The following TNRC18 variants were observed in gnomAD, a reference collection of about 807,000 sequenced individuals.
The protein encoded by TNRC18 is trinucleotide repeat-containing gene 18 protein.
TNRC18 carries 69 observed loss-of-function variants against 226.7 expected under a neutral mutation model. The observed-to-expected ratio is 0.30, with a 90% CI of 0.25 to 0.37. The LOEUF is 0.37. Among genes scored for constraint, TNRC18 ranks in the 10% least tolerant of loss-of-function variants. TNRC18 has a pLI of 1.00. For missense variants in TNRC18, 4,754 were observed against 4,256.6 expected, an observed-to-expected ratio of 1.12 and a Z score of -3.25; for synonymous variants, 2,449 against 1,927.6, an observed-to-expected ratio of 1.27 and a Z score of -7.09.
chr7:5,392,870 G>C (rs1302086400), intron 3 of TNRC18, among the ~76,000 whole-genome samples: 1 of 152,092 alleles, frequency 6.6e-6, no homozygotes, highest in Non-Finnish European at 1.5e-5. Flanking sequence ...TAGTTAACCG[G>C]GCGTGATGGT....
intron 14 of TNRC18, among the ~76,000 whole-genome samples, chr7:5,360,672 G>C (rs752172748): frequency 1.3e-5 from 2 of 152,196 alleles, no homozygotes; most frequent in Non-Finnish European, 2.9e-5. Flanking sequence ...CCACCACGCT[G>C]CTGGTGGCCG....
intron 11 of TNRC18, among the ~76,000 whole-genome samples, chr7:5,367,861 G>A (rs1793762792): frequency 1.3e-5 from 2 of 152,122 alleles, no homozygotes; most frequent in African/African-American, 4.8e-5. Flanking sequence ...TGCTCACACA[G>A]GCCAATGGCA....
chr7:5,398,161 C>A (rs1780826120), intron 2 of TNRC18, among the ~76,000 whole-genome samples: 1 of 148,254 alleles, frequency 6.7e-6, no homozygotes, highest in Non-Finnish European at 1.5e-5. Flanking sequence ...TCATCAGGCC[C>A]AGCAAAAAAA....
chr7:5,387,431 A>C (rs1157908697), intron 5 of TNRC18, among the ~76,000 whole-genome samples: 1 of 152,270 alleles, frequency 6.6e-6, no homozygotes, highest in Non-Finnish European at 1.5e-5. Flanking sequence ...GATGCACACA[A>C]AGACTGAAAG....
chr7:5,313,951 A>AGTTTT (rs1156451847), intron 26 of TNRC18, 88 bp from the exon 27 acceptor site: 7 of 1,320,564 alleles, frequency 5.3e-6, no homozygotes, highest in Non-Finnish European at 6.8e-6. Context: ...TGCTTCTGTG[A>AGTTTT]GTTTTGTTTT....
chr7:5,310,266 A>T (rs976255812), intron 27 of TNRC18, among the ~76,000 whole-genome samples: 2 of 151,890 alleles, frequency 1.3e-5, no homozygotes, highest in African/African-American at 4.8e-5. Context: ...GTCTCACTCT[A>T]TCGCCCAGGC....
intron 2 of TNRC18, among the ~76,000 whole-genome samples, chr7:5,412,049 T>C (rs1251881633): frequency 6.6e-6 from 1 of 151,746 alleles, no homozygotes; most frequent in Non-Finnish European, 1.5e-5. Context: ...TAGCCAGGTG[T>C]GGTGGAACGC....
At chr7:5,422,772 T>TC (rs1374485308) in intron 1 of TNRC18, 1 of 152,146 alleles carries the variant, frequency 6.6e-6, no homozygotes, top group African/African-American at 2.4e-5. Context: ...AAACACCCCC[T>TC]CCCTCCCTCT....
At chr7:5,397,074 C>T (rs1780741229) in intron 2 of TNRC18, among the ~76,000 whole-genome samples, 2 of 152,156 alleles carry the variant, frequency 1.3e-5, no homozygotes, top group African/African-American at 2.4e-5. Context: ...ACCACCACCC[C>T]GTGTCCGGCC....
intron 9 of TNRC18, among the ~76,000 whole-genome samples, chr7:5,375,295 C>G (rs1028617759): frequency 4.0e-5 from 6 of 151,896 alleles, no homozygotes; most frequent in Admixed American, 1.3e-4. Flanking sequence ...GGCGACAGAG[C>G]AAGACTCCAC....
chr7:5,335,301 C>CA (rs1167746227), intron 18 of TNRC18, among the ~76,000 whole-genome samples: 2,972 of 58,464 alleles, frequency 0.051, 165 homozygotes, highest in South Asian at 0.11. Context: ...GAATCTGTCT[C>CA]AAAAAAAAAA....
intron 5 of TNRC18, among the ~76,000 whole-genome samples, chr7:5,378,977 T>A (rs1013417279): frequency 2.0e-5 from 3 of 151,416 alleles, no homozygotes; most frequent in African/African-American, 7.3e-5. Context: ...GCGGATCACC[T>A]GAGGTCAGGA....
rs1022465255 is a variant in TNRC18 at position 5,388,423 on chromosome 7, C to T, written c.1401G>A (p.Lys467=). ...CGCAGGGCCTCGGGTCCGCCTCGGG[C>T]TTGAGCAGCTCCTTGGCAGGCACGT... ...RAYVPAKELL[K]PEADPRPCER... The change falls in exon 5 of 30, where the codon AAG becomes AAA. Residue 467 remains lysine, a synonymous_variant. Coordinates refer to ENST00000430969, the MANE Select transcript of TNRC18 (RefSeq NM_001080495.3). The T allele has an allele frequency of 1.4e-6, 2 of 1,481,028 alleles. No homozygotes were observed. The highest frequency in any genetic ancestry group is 1.8e-6 in the Non-Finnish European group (2 of 1,126,858). The allele number at this position is 1,481,028 out of a possible 1,614,324, so 91.7% of individuals were successfully genotyped here. A position where few individuals can be genotyped will look rare whatever the true frequency, so the allele number is the denominator to read the frequency against.
chr7:5,312,950 G>T lies in TNRC18; in HGVS notation c.7941C>A (p.Ser2647=), dbSNP rs1366741930. Residue 2647 remains serine, a synonymous_variant, in exon 27 of 30, where the codon TCC becomes TCA. Coordinates refer to ENST00000430969, the MANE Select transcript of TNRC18 (RefSeq NM_001080495.3). This position sits in a 1 kb window ranked among gnomAD's most constrained non-coding sequence, Gnocchi z 6.3. The part of the protein sequence containing the change: ...SSSSSSSSSS[S]SSSSSSSSSS... ...AGGAAGAGGAGGAGGAGGAAGAGGA[G>T]GAAGACGAAGAGGAAGAGGAGGAGG... The T allele has an allele frequency of 1.9e-5, 26 of 1,354,764 alleles. No individual in the cohort carries two copies. In the African/African-American group the frequency reaches 2.3e-4, roughly 12 times the overall value. The allele number at this position is 1,354,764 out of a possible 1,614,324, so 83.9% of individuals were successfully genotyped here.
chr7:5,362,151 G>T, intron 12 of TNRC18, 118 bp from the exon 13 acceptor site: 2 of 1,265,516 alleles, frequency 1.6e-6, no homozygotes, highest in Non-Finnish European at 2.2e-6. Context: ...TGGGGCTCGA[G>T]TCCCACCGCT....
At position 5,407,129 on chromosome 7, in the gene TNRC18, G is replaced by GT. The variant is rs1351376530; in HGVS notation, c.188-12535dup. 6 of 152,460 alleles carry GT rather than the reference G, an allele frequency of 3.9e-5. No individual in the cohort carries two copies. The East Asian group carries it at 9.7e-4, about 25-fold the overall frequency. The allele number at this position is 152,460 out of a possible 1,614,324, so 9.4% of individuals were successfully genotyped here. A position where few individuals can be genotyped will look rare whatever the true frequency, so the allele number is the denominator to read the frequency against. ...TCCGGTGATAGAGCTCGAGGCTGGG[G>GT]TGGTGGGACAGGGGGCTCACCCTGC... On this transcript the variant is annotated intron_variant, in intron 2 of 29. Transcript: ENST00000430969.
Position 5,321,057 on chromosome 7 carries a change from CT to C in TNRC18, c.6560+15del, listed in dbSNP as rs775924320. 15 of 1,524,302 alleles carry C rather than the reference CT, an allele frequency of 9.8e-6. No homozygotes were observed. The highest frequency in any genetic ancestry group is 1.3e-5 in the Non-Finnish European group (15 of 1,126,104). The allele number at this position is 1,524,302 out of a possible 1,614,324, so 94.4% of individuals were successfully genotyped here. A position where few individuals can be genotyped will look rare whatever the true frequency, so the allele number is the denominator to read the frequency against. ...TGGGACACGGGGCTCTGTGCCGGAC[CT>C]CCCACCCCACTCACATGTCTGGCGA... is the stretch of plus-strand genomic sequence containing the variant. On this transcript the variant is annotated intron_variant, in intron 22 of 29. Transcript: ENST00000430969.
chr7:5,355,586 C>T (rs1792276559), intron 16 of TNRC18, among the ~76,000 whole-genome samples: 1 of 152,074 alleles, frequency 6.6e-6, no homozygotes, highest in South Asian at 2.1e-4. Flanking sequence ...CCCATCTCTA[C>T]GAAAATAAAA....
chr7:5,413,483 T>G (rs1215104160), intron 2 of TNRC18, among the ~76,000 whole-genome samples: 4 of 152,114 alleles, frequency 2.6e-5, no homozygotes, highest in African/African-American at 9.7e-5. Flanking sequence ...ACCTCCTGCT[T>G]CTCTCCTCGT....
Sources: gnomAD v4.1 joint callset for allele counts (sites outside exome capture counted in the v4.1 genomes callset) on GRCh38, gnomAD v4.1.1 for gene constraint, Gnocchi (gnomAD v3.1) non-coding constraint, MANE v1.5 for transcripts, NCBI Gene and HGNC (gene_info 2026-07-23, HGNC 2026-07-21) for gene names.